PIK3R6: variants seen among roughly 807,000 people sequenced by gnomAD.
PIK3R6 encodes the protein phosphoinositide-3-kinase regulatory subunit 6, also known as phosphoinositide 3-kinase regulatory subunit 6.
Under a neutral mutation model 84.9 loss-of-function variants are expected in PIK3R6, and 91 were observed. That is an observed-to-expected ratio of 1.07 (90% CI 0.90 to 1.28). The LOEUF (loss-of-function observed/expected upper bound fraction) is 1.28. PIK3R6 is among the 50% of genes most tolerant of loss of function. The pLI is 0.00. For missense variants in PIK3R6, 996 were observed against 985.1 expected (o/e 1.01, Z -0.15); for synonymous variants, 416 against 411.4 (o/e 1.01, Z -0.13).
chr17:8,859,042 A>G (rs1409170917), intron 1 of PIK3R6, among the ~76,000 whole-genome samples: 1 of 152,166 alleles, frequency 6.6e-6, no homozygotes, highest in African/African-American at 2.4e-5. Context: ...GAATAAGCAC[A>G]TGCAATTGTC....
Position 8,803,017 on chromosome 17 carries a change from T to C in PIK3R6, c.*256A>G. 1 of 478,744 alleles carries C rather than the reference T, an allele frequency of 2.1e-6. No homozygotes were observed. The highest frequency in any genetic ancestry group is 3.7e-6 in the Non-Finnish European group (1 of 267,758). The allele number at this position is 478,744 out of a possible 1,614,324, so 29.7% of individuals were successfully genotyped here. A position where few individuals can be genotyped will look rare whatever the true frequency, so the allele number is the denominator to read the frequency against. On this transcript the variant is annotated 3_prime_UTR_variant, in exon 20 of 20. Coordinates refer to ENST00000619866, the MANE Select transcript of PIK3R6 (RefSeq NM_001010855.4). This position sits in a 1 kb window ranked among gnomAD's most constrained non-coding sequence, Gnocchi z 5.0. ...TTGAAGCTAAATGAAGGAGTAGACA[T>C]TTGTATGAGAAGCTGGGCTTGGTGT...
chr17:8,820,299 C>G (rs996376115), intron 17 of PIK3R6, among the ~76,000 whole-genome samples: 2 of 151,812 alleles, frequency 1.3e-5, no homozygotes, highest in African/African-American at 4.8e-5. Context: ...TAGAGTAGGG[C>G]TGGGAGTGGG....
chr17:8,861,759 A>G (rs2089293078), intron 1 of PIK3R6, among the ~76,000 whole-genome samples: 1 of 152,218 alleles, frequency 6.6e-6, no homozygotes, highest in East Asian at 1.9e-4. Context: ...AGATATGCCA[A>G]GGGGATGCCT....
At chr17:8,824,804 CAA>C (rs1391641968) in intron 13 of PIK3R6, among the ~76,000 whole-genome samples, 1 of 152,124 alleles carries the variant, frequency 6.6e-6, no homozygotes, top group Non-Finnish European at 1.5e-5. Flanking sequence ...TGTGTGTATG[CAA>C]AGACATTTTC....
chr17:8,833,073 GTCTTGGCCCAGCGCCCA>G (rs1173470026), intron 8 of PIK3R6, 28 bp from the exon 9 acceptor site: 1 of 1,540,340 alleles, frequency 6.5e-7, no homozygotes, highest in Non-Finnish European at 8.7e-7. Context: ...CAGAGCCTGG[GTCTTGGCCCAGCGCCCA>G]CGCACCCCAG....
At chr17:8,815,136 A>G (rs2087489210) in intron 18 of PIK3R6, among the ~76,000 whole-genome samples, 1 of 152,240 alleles carries the variant, frequency 6.6e-6, no homozygotes, top group African/African-American at 2.4e-5. Flanking sequence ...GACTACAGTA[A>G]TATAATATGT....
At chr17:8,866,720 C>G (rs183632675) in intron 1 of PIK3R6, among the ~76,000 whole-genome samples, 1 of 152,098 alleles carries the variant, frequency 6.6e-6, no homozygotes, top group African/African-American at 2.4e-5. Context: ...GAGCCTCAGC[C>G]AGGCACCACC....
intron 2 of PIK3R6, among the ~76,000 whole-genome samples, chr17:8,840,078 AAT>A (rs898876268): frequency 1.3e-4 from 19 of 151,462 alleles, no homozygotes; most frequent in Non-Finnish European, 2.1e-4. Context: ...ATATATATGA[AAT>A]ATATATATCC....
intron 1 of PIK3R6, among the ~76,000 whole-genome samples, chr17:8,860,089 T>C (rs909381971): frequency 2.6e-5 from 4 of 152,176 alleles, no homozygotes; most frequent in Non-Finnish European, 4.4e-5. Context: ...TAAAAAACCA[T>C]GCGTATGGTA....
rs1316826445 is a variant in PIK3R6, at chr17:8,803,324, C to G, written c.2214G>C (p.Lys738Asn). The G allele has an allele frequency of 2.5e-6, 4 of 1,613,210 alleles. No individual in the cohort carries two copies. The highest frequency in any genetic ancestry group is 3.4e-6 in the Non-Finnish European group (4 of 1,179,866). The change falls in exon 20 of 20, where the codon AAG (lysine) becomes AAC (asparagine). Residue 738 changes from lysine (K) to asparagine (N), a missense_variant. Coordinates refer to ENST00000619866, the MANE Select transcript of PIK3R6 (RefSeq NM_001010855.4). This position sits in a 1 kb window ranked among gnomAD's most constrained non-coding sequence, Gnocchi z 5.0. ...GQQEVEAIKA[K>N]PKPLLMPINT... ...TGATGGGCATCAGAAGGGGCTTGGGCTTGGCTTTGATTGCTTCCACCTCCT... is the reference window on the plus strand; with the variant it reads ...TGATGGGCATCAGAAGGGGCTTGGGGTTGGCTTTGATTGCTTCCACCTCCT...
At chr17:8,858,310 CTTTTTTTTTTT>C (rs752142944) in intron 1 of PIK3R6, among the ~76,000 whole-genome samples, 9 of 95,510 alleles carry the variant, frequency 9.4e-5, no homozygotes, top group South Asian at 3.5e-4. Context: ...CTCAATTAAT[CTTTTTTTTTTT>C]TTTTTTTTTT....
At chr17:8,849,131 T>G (rs945138597) in intron 2 of PIK3R6, among the ~76,000 whole-genome samples, 1 of 152,230 alleles carries the variant, frequency 6.6e-6, no homozygotes, top group Non-Finnish European at 1.5e-5. Context: ...GCTTTGCCAC[T>G]TACTAGCTGT....
chr17:8,812,413 C>T (rs1254571781), intron 18 of PIK3R6, among the ~76,000 whole-genome samples: 2 of 152,202 alleles, frequency 1.3e-5, no homozygotes, highest in Non-Finnish European at 2.9e-5. Flanking sequence ...ACCTAACAGA[C>T]ATTTACAGAA....
chr17:8,804,618 G>T (rs1184458939), intron 18 of PIK3R6, among the ~76,000 whole-genome samples: 1 of 152,176 alleles, frequency 6.6e-6, no homozygotes, highest in Admixed American at 6.5e-5. Context: ...CTAGAAAGCA[G>T]CCAAAGACCC....
Position 8,803,070 on chromosome 17 carries a change from C to T in PIK3R6, c.*203G>A, listed in dbSNP as rs1396729228. ...ATGTTCTCAAGCAGCGACAGCATTGCCTGGGCCATCCGTAGACCTCCATGT... is the reference window on the plus strand; with the variant it reads ...ATGTTCTCAAGCAGCGACAGCATTGTCTGGGCCATCCGTAGACCTCCATGT... On this transcript the variant is annotated 3_prime_UTR_variant, in exon 20 of 20. Transcript: ENST00000619866. The surrounding 1 kb of genome is among the most constrained non-coding windows in gnomAD (Gnocchi z 5.0). 5.0e-6 allele frequency: 3 copies of T among 594,152 alleles called. No homozygotes were observed. Among genetic ancestry groups the T allele is most frequent in the Admixed American group, 6.5e-5 (2 of 30,858 alleles). The allele number at this position is 594,152 out of a possible 1,614,324, so 36.8% of individuals were successfully genotyped here. A position where few individuals can be genotyped will look rare whatever the true frequency, so the allele number is the denominator to read the frequency against.
chr17:8,822,868 AG>A (rs1286888177), intron 15 of PIK3R6, 127 bp downstream of exon 15: 6 of 978,066 alleles, frequency 6.1e-6, no homozygotes, highest in Middle Eastern at 2.3e-4. Context: ...CAGCAGAGGT[AG>A]GGAACAGAGC....
intron 9 of PIK3R6, among the ~76,000 whole-genome samples, chr17:8,831,186 C>T (rs1292014848): frequency 6.9e-6 from 1 of 145,084 alleles, no homozygotes; most frequent in African/African-American, 2.6e-5. Flanking sequence ...AGGGCTTAGC[C>T]AGGTGTGGTG....
Position 8,829,784 on chromosome 17 carries a change from C to G in PIK3R6, c.811G>C (p.Val271Leu). ...PAAGRCGGDLVQERPPSIPLP... is the reference protein window; with the variant it reads ...PAAGRCGGDLLQERPPSIPLP... ...GGAATGCTTGGTGGCCGCTCTTGGACAAGGTCACCTGCAGAAAGGAGCAGG... is the reference window on the plus strand; with the variant it reads ...GGAATGCTTGGTGGCCGCTCTTGGAGAAGGTCACCTGCAGAAAGGAGCAGG... Residue 271 changes from valine to leucine, a missense_variant, in exon 10 of 20, where the codon GTC (valine) becomes CTC (leucine). Val to Leu is a conservative substitution (Grantham distance 32). Transcript: ENST00000619866. 1 of 1,551,290 alleles carries G rather than the reference C, an allele frequency of 6.4e-7. No individual in the cohort carries two copies.
At chr17:8,830,664 C>G (rs1381443524) in intron 9 of PIK3R6, among the ~76,000 whole-genome samples, 1 of 152,150 alleles carries the variant, frequency 6.6e-6, no homozygotes, top group African/African-American at 2.4e-5. Context: ...GGGGAGAAGC[C>G]AGGACACAGA....
Sources: gnomAD v4.1 joint callset for allele counts (sites outside exome capture counted in the v4.1 genomes callset) on GRCh38, gnomAD v4.1.1 for gene constraint, Gnocchi (gnomAD v3.1) non-coding constraint, MANE v1.5 for transcripts, NCBI Gene and HGNC (gene_info 2026-07-23, HGNC 2026-07-21) for gene names.